DNAH3: variants seen among roughly 807,000 people sequenced by gnomAD.
The protein encoded by DNAH3 is axonemal beta dynein heavy chain 3.
A neutral mutation model predicts 432.5 loss-of-function variants in DNAH3; 332 were observed. The ratio of observed to expected loss-of-function variants is 0.77; its 90% CI spans 0.70 to 0.84. The LOEUF is 0.84. DNAH3 is among the 40% of genes least tolerant of loss of function. The pLI is 0.00. For missense variants in DNAH3, 4,861 were observed against 5,114.0 expected (o/e 0.95, Z 1.51); for synonymous variants, 1,956 against 1,900.2 (o/e 1.03, Z -0.76).
chr16:21,062,224 T>C (rs577207524), intron 25 of DNAH3, among the ~76,000 whole-genome samples: 1 of 152,300 alleles, frequency 6.6e-6, no homozygotes, highest in East Asian at 1.9e-4. Flanking sequence ...ATTCCTGCAA[T>C]TGACTCCACA....
chr16:20,942,572 C>A (rs949653551), intron 58 of DNAH3, among the ~76,000 whole-genome samples: 1 of 152,086 alleles, frequency 6.6e-6, no homozygotes, highest in African/African-American at 2.4e-5. Flanking sequence ...AGCAAATTAG[C>A]AAATTCTACA....
intron 14 of DNAH3, among the ~76,000 whole-genome samples, chr16:21,109,205 T>C (rs1319917102): frequency 6.6e-6 from 1 of 151,750 alleles, no homozygotes; most frequent in Non-Finnish European, 1.5e-5. Flanking sequence ...CTATTCTGGC[T>C]CCAAAACCAA....
At chr16:21,103,457 A>T (rs1159011154) in intron 16 of DNAH3, among the ~76,000 whole-genome samples, 5 of 151,988 alleles carry the variant, frequency 3.3e-5, no homozygotes, top group Non-Finnish European at 7.4e-5. Flanking sequence ...ATAGTCTATT[A>T]ATTTAAACAC....
intron 56 of DNAH3, among the ~76,000 whole-genome samples, chr16:20,952,156 G>T (rs2084345057): frequency 6.6e-6 from 1 of 152,160 alleles, no homozygotes; most frequent in Admixed American, 6.6e-5. Context: ...GAGATTACAG[G>T]CATGAGCCAC....
chr16:21,136,627 C>G (rs1306411038), intron 5 of DNAH3, 114 bp from the exon 7 acceptor site: 2 of 958,176 alleles, frequency 2.1e-6, no homozygotes, highest in African/African-American at 3.2e-5. Flanking sequence ...CTGCACCCTT[C>G]ACTTGCCATA....
At chr16:21,113,140 G>A (rs1043911948) in intron 12 of DNAH3, among the ~76,000 whole-genome samples, 3 of 152,026 alleles carry the variant, frequency 2.0e-5, no homozygotes, top group African/African-American at 7.2e-5. Context: ...GATTTGGAGG[G>A]GCCAGGGGCA....
At chr16:21,087,218 T>C (rs1426918109) in intron 18 of DNAH3, among the ~76,000 whole-genome samples, 158 bp from the exon 19 acceptor site, 2 of 152,130 alleles carry the variant, frequency 1.3e-5, no homozygotes, top group Non-Finnish European at 2.9e-5. Flanking sequence ...CAGTGGAACC[T>C]TAGATATGAT....
In DNAH3 at chr16:20,948,760, G is replaced by C. The variant is rs1045128500; in HGVS notation, c.11189-123C>G. ...CTGCTGGGACATAGTGATAGGGACA[G>C]CAAGCAGGAAAATTCCGGGCAGAAG... On this transcript the variant is annotated intron_variant, in intron 56 of 61. Coordinates refer to ENST00000261383, the Ensembl canonical transcript of DNAH3. 28 of 1,085,484 alleles carry C rather than the reference G, an allele frequency of 2.6e-5. No individual in the cohort carries two copies. The African/African-American group carries it at 3.3e-4, about 13-fold the overall frequency. 67.2% of individuals were successfully genotyped at this position (1,085,484 alleles called of 1,614,324 possible). A position where few individuals can be genotyped will look rare whatever the true frequency, so the allele number is the denominator to read the frequency against.
intron 5 of DNAH3, among the ~76,000 whole-genome samples, chr16:21,139,827 C>T (rs1313174146): frequency 3.1e-5 from 4 of 127,570 alleles, no homozygotes; most frequent in African/African-American, 1.2e-4. Flanking sequence ...TTGCCCATGC[C>T]GAAGTGCAGT....
chr16:20,933,611 A>C, intron 61 of DNAH3, 104 bp from the exon 62 acceptor site: 4 of 848,700 alleles, frequency 4.7e-6, no homozygotes, highest in Non-Finnish European at 7.2e-6. Flanking sequence ...CCTGGTTGCA[A>C]TATCTACCTC....
intron 11 of DNAH3, among the ~76,000 whole-genome samples, chr16:21,120,369 A>C (rs1481797422): frequency 6.6e-6 from 1 of 152,110 alleles, no homozygotes; most frequent in African/African-American, 2.4e-5. Flanking sequence ...CAAAGCTCTA[A>C]AATTATAGGT....
chr16:20,975,242 T>C (rs770350477), exon 51 of DNAH3: 15 of 1,613,302 alleles, frequency 9.3e-6, no homozygotes, highest in Non-Finnish European at 1.2e-5. Context: ...CCTTGATTCC[T>C]TGGGCAATGG....
intron 18 of DNAH3, among the ~76,000 whole-genome samples, chr16:21,096,655 T>A (rs562369107): frequency 2.3e-4 from 35 of 152,284 alleles, no homozygotes; most frequent in South Asian, 8.3e-4. Context: ...GGTTTTTTTT[T>A]ATTTGTTTGT....
chr16:21,051,920 A>C, intron 28 of DNAH3, 52 bp from the exon 29 acceptor site: 2 of 1,494,384 alleles, frequency 1.3e-6, no homozygotes, highest in Non-Finnish European at 1.9e-6. Context: ...AGAACTCTCC[A>C]TCTTTGTAAG....
intron 21 of DNAH3, among the ~76,000 whole-genome samples, chr16:21,075,103 T>C (rs1249390266): frequency 6.6e-6 from 1 of 152,196 alleles, no homozygotes; most frequent in African/African-American, 2.4e-5. Flanking sequence ...ACACTAGTCA[T>C]TGTCTGCCCC....
intron 43 of DNAH3, 63 bp downstream of exon 43, chr16:21,000,161 A>G (rs1312567835): frequency 6.6e-7 from 1 of 1,508,402 alleles, no homozygotes; most frequent in Non-Finnish European, 9.1e-7. Context: ...AGCAGAAGCT[A>G]TAGTTTGCTG....
At chr16:21,132,114 G>T (rs531949721) in intron 7 of DNAH3, among the ~76,000 whole-genome samples, 1 of 152,048 alleles carries the variant, frequency 6.6e-6, no homozygotes. Context: ...TCAAAGAAAA[G>T]AATACAGCTA....
At chr16:21,058,658 T>C (rs907033130) in intron 26 of DNAH3, among the ~76,000 whole-genome samples, 4 of 152,172 alleles carry the variant, frequency 2.6e-5, no homozygotes, top group African/African-American at 7.2e-5. Context: ...AGCCGCAGCA[T>C]ACAAAAGAAT....
intron 7 of DNAH3, among the ~76,000 whole-genome samples, chr16:21,129,779 C>T (rs1304748556): frequency 4.8e-4 from 1 of 2,066 alleles, no homozygotes; most frequent in Non-Finnish European, 7.8e-4. Context: ...CTGCATCCAT[C>T]CCATTAGTGG....
Sources: gnomAD v4.1 joint callset for allele counts (sites outside exome capture counted in the v4.1 genomes callset) on GRCh38, gnomAD v4.1.1 for gene constraint, MANE v1.5 for transcripts, NCBI Gene and HGNC (gene_info 2026-07-23, HGNC 2026-07-21) for gene names.